DMTF1: variants seen among roughly 807,000 people sequenced by gnomAD.
DMTF1 encodes cyclin D binding myb like transcription factor 1.
A neutral mutation model predicts 91.1 loss-of-function variants in DMTF1; 39 were observed. The observed-to-expected ratio is 0.43, with a 90% CI of 0.33 to 0.56. The LOEUF (loss-of-function observed/expected upper bound fraction) is 0.56. Among genes scored for constraint, DMTF1 ranks in the 20% least tolerant of loss-of-function variants. The pLI is 0.05. For synonymous variants in DMTF1, 338 were observed against 309.5 expected, an observed-to-expected ratio of 1.09 and a Z score of -0.97; for missense variants, 750 against 914.5, an observed-to-expected ratio of 0.82 and a Z score of 2.32.
Position 87,173,702 on chromosome 7 carries a change from AG to A in DMTF1, c.442+56del. On this transcript the variant is annotated intron_variant, in intron 6 of 17. Coordinates refer to ENST00000331242, the MANE Select transcript of DMTF1 (RefSeq NM_001142327.2). ...CTAGTGAAAAAAAATGGAGATAGAAAGGGCTTATAGTCATCAGGATTCTGAG... is the reference window on the plus strand; with the variant it reads ...CTAGTGAAAAAAAATGGAGATAGAAAGGCTTATAGTCATCAGGATTCTGAG... 3 of 1,133,314 alleles carry A rather than the reference AG, an allele frequency of 2.6e-6. No individual in the cohort carries two copies. In the South Asian group the frequency reaches 4.2e-5, roughly 16 times the overall value. 70.2% of individuals were successfully genotyped at this position (1,133,314 alleles called of 1,614,324 possible).
At chr7:87,186,808 A>G (rs1474784753) in intron 12 of DMTF1, 1 of 152,156 alleles carries the variant, frequency 6.6e-6, no homozygotes, top group Admixed American at 6.5e-5. Flanking sequence ...TGATCCCATG[A>G]CAGAATCACC....
chr7:87,175,024 GT>G (rs1277996073), intron 7 of DMTF1, among the ~76,000 whole-genome samples: 2,736 of 138,126 alleles, frequency 0.02, 25 homozygotes, highest in Non-Finnish European at 0.034. Flanking sequence ...TTTTGTTTTT[GT>G]TTTTTTTTTT....
Position 87,195,309 on chromosome 7 carries a change from C to T in DMTF1, c.*169C>T. ...TATGACTTTTTACCTCCTTTAAACACATCATCTGAGGTTGAGTTTTATGAC... is the reference window on the plus strand; with the variant it reads ...TATGACTTTTTACCTCCTTTAAACATATCATCTGAGGTTGAGTTTTATGAC... On this transcript the variant is annotated 3_prime_UTR_variant, in exon 18 of 18. Coordinates refer to ENST00000331242, the MANE Select transcript of DMTF1 (RefSeq NM_001142327.2). 1 of 538,816 alleles carries T rather than the reference C, an allele frequency of 1.9e-6. No individual in the cohort carries two copies. Among genetic ancestry groups the T allele is most frequent in the Non-Finnish European group, 3.3e-6 (1 of 302,658 alleles). The allele number at this position is 538,816 out of a possible 1,614,324, so 33.4% of individuals were successfully genotyped here.
chr7:87,188,417 GAAGGACATCT>G (rs1214735006), intron 13 of DMTF1, 116 bp downstream of exon 13: 1 of 1,020,178 alleles, frequency 9.8e-7, no homozygotes, highest in Non-Finnish European at 1.5e-6. Context: ...TCGGTGAACT[GAAGGACATCT>G]AAGATATTTT....
chr7:87,177,127 A>G (rs564699200), intron 7 of DMTF1, among the ~76,000 whole-genome samples: 1 of 152,298 alleles, frequency 6.6e-6, no homozygotes, highest in South Asian at 2.1e-4. Context: ...AAGTGTATAA[A>G]ATGCATACAC....
rs946621187 is a variant in DMTF1 at position 87,179,801 on chromosome 7, A to C, written c.677+99A>C. The C allele has an allele frequency of 1.3e-5, 15 of 1,115,598 alleles. No individual in the cohort carries two copies. The African/African-American group carries it at 1.8e-4, about 13-fold the overall frequency. The allele number at this position is 1,115,598 out of a possible 1,614,324, so 69.1% of individuals were successfully genotyped here. ...ACAATAGAAATATGGTCAAGGTATTAATTGTTGTTAATATTTTTATCCTCC... is the reference window on the plus strand; with the variant it reads ...ACAATAGAAATATGGTCAAGGTATTCATTGTTGTTAATATTTTTATCCTCC... On this transcript the variant is annotated intron_variant, in intron 8 of 17. Coordinates refer to ENST00000331242, the MANE Select transcript of DMTF1 (RefSeq NM_001142327.2).
intron 10 of DMTF1, among the ~76,000 whole-genome samples, chr7:87,182,549 CACA>C (rs1443145525): frequency 6.6e-6 from 1 of 152,214 alleles, no homozygotes; most frequent in Non-Finnish European, 1.5e-5. Context: ...TCTTCAGGGA[CACA>C]ACATCACCTT....
At chr7:87,152,778 G>C (rs1490597025) in intron 1 of DMTF1, 1 of 154,470 alleles carries the variant, frequency 6.5e-6, no homozygotes, top group East Asian at 1.9e-4. Flanking sequence ...GGTGCCCGTG[G>C]CTCAGGCTGC....
chr7:87,172,230 A>G (rs548970680), intron 5 of DMTF1, among the ~76,000 whole-genome samples: 28 of 152,340 alleles, frequency 1.8e-4, no homozygotes, highest in African/African-American at 6.7e-4. Flanking sequence ...CCTTAGACAC[A>G]TATAGTCTGT....
intron 3 of DMTF1, 128 bp from the exon 4 acceptor site, chr7:87,166,355 G>A (rs760476407): frequency 1.4e-4 from 121 of 867,130 alleles, no homozygotes; most frequent in Non-Finnish European, 1.9e-4. Context: ...TGCACAACTA[G>A]GTTTAGTTAA....
chr7:87,187,494 A>G (rs1798719025), intron 12 of DMTF1: 1 of 152,670 alleles, frequency 6.6e-6, no homozygotes, highest in African/African-American at 2.4e-5. Flanking sequence ...GCAGTGAGCT[A>G]TGATTATGCC....
rs149756367 is a variant in DMTF1 at position 87,195,822 on chromosome 7, T to C, written c.*682T>C. On this transcript the variant is annotated 3_prime_UTR_variant, in exon 18 of 18. Coordinates refer to ENST00000331242, the MANE Select transcript of DMTF1 (RefSeq NM_001142327.2). Reference sequence around the variant, plus strand: ...CAGAATCTAAGCAGTTTTCACCCCCTCAGAAACCACTGTCATTAGTTTACA... The same window carrying C: ...CAGAATCTAAGCAGTTTTCACCCCCCCAGAAACCACTGTCATTAGTTTACA... 2.0e-5 allele frequency: 3 copies of C among 152,568 alleles called. No homozygotes were observed. Among genetic ancestry groups the C allele is most frequent in the African/African-American group, 7.2e-5 (3 of 41,510 alleles). 9.5% of individuals were successfully genotyped at this position (152,568 alleles called of 1,614,324 possible).
At chr7:87,167,657 T>G (rs1212741189) in intron 4 of DMTF1, among the ~76,000 whole-genome samples, 2 of 152,324 alleles carry the variant, frequency 1.3e-5, no homozygotes, top group East Asian at 3.9e-4. Flanking sequence ...AGAAAAACTT[T>G]TAGTTTACTG....
In DMTF1 at chr7:87,179,706, T is replaced by A; in HGVS notation, c.677+4T>A. On this transcript the variant is annotated splice_donor_region_variant and intron_variant, in intron 8 of 17. Coordinates refer to ENST00000331242, the MANE Select transcript of DMTF1 (RefSeq NM_001142327.2). ...ATGACAGAAACCATGTGGGAAAGTA[T>A]GAGAACTTGTAATGCTGCATGTTTT... is the stretch of plus-strand genomic sequence containing the variant. 2 of 1,565,436 alleles carry A rather than the reference T, an allele frequency of 1.3e-6. No individual in the cohort carries two copies. Among genetic ancestry groups the A allele is most frequent in the Non-Finnish European group, 1.7e-6 (2 of 1,164,252 alleles).
At chr7:87,173,148 A>G (rs1267215963) in intron 5 of DMTF1, among the ~76,000 whole-genome samples, 2 of 152,216 alleles carry the variant, frequency 1.3e-5, no homozygotes, top group African/African-American at 2.4e-5. Flanking sequence ...AGAACAGATA[A>G]TAACTGTATA....
chr7:87,173,579 C>T lies in DMTF1; in HGVS notation c.372C>T (p.Asn124=), dbSNP rs372667828. The T allele has an allele frequency of 1.4e-5, 22 of 1,607,766 alleles. No homozygotes were observed. Among genetic ancestry groups the T allele is most frequent in the East Asian group, 4.5e-5 (2 of 44,532 alleles). ...EQLDEISPLG[N]EEVSAVSQAW... ...TAGATGAAATATCTCCCTTGGGTAA[C>T]GAGGAAGTTTCAGCAGTTAGCCAAG... Residue 124 remains asparagine, a synonymous_variant, in exon 6 of 18, where the codon AAC becomes AAT. Transcript: ENST00000331242.
intron 8 of DMTF1, among the ~76,000 whole-genome samples, chr7:87,180,477 A>G (rs1219520633): frequency 1.3e-5 from 2 of 152,360 alleles, no homozygotes; most frequent in East Asian, 1.9e-4. Context: ...TTAAATGGAC[A>G]TTTTTAAAAA....
chr7:87,167,016 A>G (rs1215443191), intron 4 of DMTF1, among the ~76,000 whole-genome samples: 2 of 152,202 alleles, frequency 1.3e-5, no homozygotes, highest in African/African-American at 4.8e-5. Context: ...ATTTGCCCTC[A>G]TTGAGAAGAA....
At chr7:87,156,359 A>C (rs1271977373) in intron 1 of DMTF1, among the ~76,000 whole-genome samples, 2 of 152,196 alleles carry the variant, frequency 1.3e-5, no homozygotes, top group Non-Finnish European at 2.9e-5. Flanking sequence ...AGCCTGCTAG[A>C]ATAGACTCCA....
Sources: gnomAD v4.1 joint callset for allele counts (sites outside exome capture counted in the v4.1 genomes callset) on GRCh38, gnomAD v4.1.1 for gene constraint, MANE v1.5 for transcripts, NCBI Gene and HGNC (gene_info 2026-07-23, HGNC 2026-07-21) for gene names.